Variants in DNAH12 observed in about 807,000 individuals in gnomAD.
DNAH12 encodes axonemal beta dynein heavy chain 12.
Under a neutral mutation model 371.5 loss-of-function variants are expected in DNAH12, and 285 were observed. The observed-to-expected ratio is 0.77, with a 90% CI of 0.70 to 0.85. The LOEUF (loss-of-function observed/expected upper bound fraction) is 0.85, where lower values mean the gene tolerates loss of function less well. Among genes scored for constraint, DNAH12 ranks in the 40% least tolerant of loss-of-function variants. The pLI, the probability that DNAH12 is intolerant of heterozygous loss-of-function variation, is 0.00. For missense variants in DNAH12, 3,611 were observed against 3,689.4 expected (o/e 0.98, Z 0.55); for synonymous variants, 1,200 against 1,213.0 (o/e 0.99, Z 0.22).
Position 57,415,444 on chromosome 3 carries a change from G to A in DNAH12, c.5835C>T (p.Thr1945=). The A allele has an allele frequency of 6.5e-7, 1 of 1,549,866 alleles. No individual in the cohort carries two copies. Among genetic ancestry groups the A allele is most frequent in the Non-Finnish European group, 8.7e-7 (1 of 1,146,634 alleles). Residue 1945 remains threonine, a synonymous_variant, in exon 38 of 74, where the codon ACC becomes ACT. Transcript: ENST00000495027. ...FPFYINLSAR[T]SANQVQNIIM... ...AACTAACCTGAACCTGATTGGCGCTGGTCCGTGCAGATAAGTTAATATAAA... is the reference window on the plus strand; with the variant it reads ...AACTAACCTGAACCTGATTGGCGCTAGTCCGTGCAGATAAGTTAATATAAA...
chr3:57,457,970 C>A lies in DNAH12; in HGVS notation c.3087G>T (p.Glu1029Asp). The A allele has an allele frequency of 6.4e-7, 1 of 1,551,116 alleles. No individual in the cohort carries two copies. The highest frequency in any genetic ancestry group is 8.7e-7 in the Non-Finnish European group (1 of 1,146,666). ...GTGGATCTTTGGTCTCTGATAAAAT[C>A]TCTAACATTTCATCATTAGATAAGA... ...FFFLSNDEML[E>D]ILSETKDPLR... The change falls in exon 22 of 74, where the codon GAG becomes GAT. Residue 1029 changes from glutamate to aspartate, a missense_variant. Glu to Asp is a conservative substitution (Grantham distance 45). Coordinates refer to ENST00000495027, the MANE Select transcript of DNAH12 (RefSeq NM_001366028.2).
At position 57,370,486 on chromosome 3, in the gene DNAH12, T is replaced by C. The variant is rs2063147492; in HGVS notation, c.8760-2226A>G. Among the ~76,000 whole-genome samples, 7 of 152,284 alleles carry C rather than the reference T, an allele frequency of 4.6e-5. No individual in the cohort carries two copies. The South Asian group carries it at 1.5e-3, about 32-fold the overall frequency. The stretch of plus-strand genomic sequence containing the variant: ...AAGTGAGGAAGCTTGAACCCAAATG[T>C]CCTGACTCCAGAGTCTGAACTGCTC... On this transcript the variant is annotated intron_variant, in intron 55 of 73. Transcript: ENST00000495027.
intron 5 of DNAH12, among the ~76,000 whole-genome samples, chr3:57,510,128 A>G (rs1046886233): frequency 4.6e-5 from 7 of 152,146 alleles, no homozygotes; most frequent in Admixed American, 6.5e-5. Flanking sequence ...TTATTCTAAA[A>G]AATAGCAAAG....
chr3:57,323,457 A>G lies in DNAH12; in HGVS notation c.10129+12T>C. The G allele has an allele frequency of 6.5e-7, 1 of 1,538,122 alleles. No individual in the cohort carries two copies. The highest frequency in any genetic ancestry group is 1.2e-5 in the South Asian group (1 of 80,954). ...TTATGATTTCTTAAAAGTTTACAGT[A>G]TATGCACTTACTGGCCATAGGATCT... On this transcript the variant is annotated intron_variant, in intron 63 of 73. Transcript: ENST00000495027.
intron 43 of DNAH12, among the ~76,000 whole-genome samples, chr3:57,394,594 G>A (rs1196457146): frequency 6.6e-6 from 1 of 152,156 alleles, no homozygotes; most frequent in African/African-American, 2.4e-5. Context: ...CCCAATCATA[G>A]TCTTACTTCA....
At chr3:57,396,500 C>T (rs935650724) in intron 43 of DNAH12, among the ~76,000 whole-genome samples, 3 of 151,390 alleles carry the variant, frequency 2.0e-5, no homozygotes, top group East Asian at 3.9e-4. Flanking sequence ...CAGGTTCTAG[C>T]GATTCTCCTG....
chr3:57,453,662 CT>C (rs1290100909), intron 23 of DNAH12, among the ~76,000 whole-genome samples: 1 of 151,580 alleles, frequency 6.6e-6, no homozygotes, highest in Admixed American at 6.6e-5. Context: ...CAACCTCCGC[CT>C]CCTGGGTTCA....
intron 4 of DNAH12, chr3:57,519,827 G>A: frequency 8.0e-7 from 1 of 1,256,566 alleles, no homozygotes; most frequent in African/African-American, 1.5e-5. Flanking sequence ...TGACATCTGA[G>A]ACAGGCATCC....
chr3:57,522,919 T>C (rs2068502994), intron 4 of DNAH12, among the ~76,000 whole-genome samples: 1 of 152,102 alleles, frequency 6.6e-6, no homozygotes, highest in African/African-American at 2.4e-5. Flanking sequence ...GAGTGGCTAC[T>C]ATATCATTAT....
At position 57,308,226 on chromosome 3, in the gene DNAH12, C is replaced by G. The variant is rs555870428; in HGVS notation, c.11189+925G>C. Reference sequence around the variant, plus strand: ...GAAGGCCACCATGGTCACTTCTTCCCTTCTGTCAGACATAATTCCTCTCTC... The same window carrying G: ...GAAGGCCACCATGGTCACTTCTTCCGTTCTGTCAGACATAATTCCTCTCTC... On this transcript the variant is annotated intron_variant, in intron 69 of 73. Transcript: ENST00000495027. Among the ~76,000 whole-genome samples the G allele has an allele frequency of 5.9e-5, 9 of 152,286 alleles. No individual in the cohort carries two copies. The South Asian group carries it at 1.2e-3, about 21-fold the overall frequency.
intron 67 of DNAH12, 35 bp downstream of exon 67, chr3:57,310,682 C>T: frequency 7.1e-7 from 1 of 1,414,446 alleles, no homozygotes; most frequent in Non-Finnish European, 9.7e-7. Context: ...AAAAATCACA[C>T]ATTAATCTAA....
At chr3:57,323,831 A>C (rs1326709234) in intron 62 of DNAH12, among the ~76,000 whole-genome samples, 1 of 152,238 alleles carries the variant, frequency 6.6e-6, no homozygotes, top group Admixed American at 6.5e-5. Context: ...CAAAGGAGAC[A>C]AACTGCTTAG....
At chr3:57,538,932 T>C (rs1260274798) in intron 2 of DNAH12, among the ~76,000 whole-genome samples, 1 of 152,194 alleles carries the variant, frequency 6.6e-6, no homozygotes, top group Non-Finnish European at 1.5e-5. Flanking sequence ...TATTGCTTTT[T>C]ACCCCCCACC....
At chr3:57,507,219 T>C (rs2067795733) in intron 8 of DNAH12, among the ~76,000 whole-genome samples, 1 of 152,094 alleles carries the variant, frequency 6.6e-6, no homozygotes, top group Admixed American at 6.6e-5. Context: ...TTAAAGATGA[T>C]CAATAACTTT....
Position 57,371,500 on chromosome 3 carries a change from T to C in DNAH12, c.8760-3240A>G, listed in dbSNP as rs911112781. The stretch of plus-strand genomic sequence containing the variant: ...AGGGTAAATTTTATGGTACATGAAT[T>C]ATATATCAATACAGCTGTTAAAAAT... On this transcript the variant is annotated intron_variant, in intron 55 of 73. Coordinates refer to ENST00000495027, the MANE Select transcript of DNAH12 (RefSeq NM_001366028.2). 2.6e-5 allele frequency among the ~76,000 whole-genome samples: 4 copies of C among 152,066 alleles called. No homozygotes were observed. In the East Asian group the frequency reaches 5.8e-4, roughly 22 times the overall value.
At chr3:57,316,145 T>G (rs1340455062) in intron 65 of DNAH12, among the ~76,000 whole-genome samples, 4 of 151,358 alleles carry the variant, frequency 2.6e-5, no homozygotes, top group African/African-American at 9.7e-5. Context: ...TTTTTTTTTT[T>G]GCTTGTTTTT....
At chr3:57,406,364 A>AAAAAG (rs1485259989) in intron 40 of DNAH12, among the ~76,000 whole-genome samples, 4 of 151,760 alleles carry the variant, frequency 2.6e-5, no homozygotes, top group African/African-American at 4.8e-5. Context: ...CTCAAAAAAA[A>AAAAAG]AAAAAAAGAA....
intron 26 of DNAH12, 91 bp downstream of exon 26, chr3:57,446,446 A>C: frequency 1.4e-6 from 2 of 1,442,098 alleles, no homozygotes; most frequent in Non-Finnish European, 1.8e-6. Context: ...AACCACATTC[A>C]TGTTTAAACA....
In DNAH12 at chr3:57,338,653, G is replaced by A. The variant is rs543972477; in HGVS notation, c.9675-3713C>T. 7.3e-3 allele frequency among the ~76,000 whole-genome samples: 1,049 copies of A among 143,176 alleles called. 11 individuals carry two copies. The highest frequency in any genetic ancestry group is 0.026 in the African/African-American group (958 of 37,532). 93.9% of individuals were successfully genotyped at this position (143,176 alleles called of 152,430 possible). On this transcript the variant is annotated intron_variant, in intron 60 of 73. Transcript: ENST00000495027. Reference sequence around the variant, plus strand: ...CCGCCCCGTCTAGAAAGTGAGGAGCGCCTCTGCCCGGCCACCCCGTCTGGG... The same window carrying A: ...CCGCCCCGTCTAGAAAGTGAGGAGCACCTCTGCCCGGCCACCCCGTCTGGG...
Sources: gnomAD v4.1 joint callset for allele counts (sites outside exome capture counted in the v4.1 genomes callset) on GRCh38, gnomAD v4.1.1 for gene constraint, MANE v1.5 for transcripts, NCBI Gene and HGNC (gene_info 2026-07-23, HGNC 2026-07-21) for gene names.